The following PCDHA7 variants were observed in gnomAD, a reference collection of about 807,000 sequenced individuals.
PCDHA7 encodes the protein protocadherin alpha-7.
Under a neutral mutation model 57.2 loss-of-function variants are expected in PCDHA7, and 37 were observed. The observed-to-expected ratio is 0.65, with a 90% CI of 0.50 to 0.85. The LOEUF is 0.85. PCDHA7 is among the 40% of genes least tolerant of loss of function. The pLI, the probability that PCDHA7 is intolerant of heterozygous loss-of-function variation, is 0.00. For missense variants in PCDHA7, 1,188 were observed against 1,241.8 expected (o/e 0.96, Z 0.65); for synonymous variants, 553 against 558.8 (o/e 0.99, Z 0.15).
chr5:140,884,403 T>C, intron 1 of PCDHA7: 1 of 1,613,992 alleles, frequency 6.2e-7, no homozygotes, highest in African/African-American at 1.3e-5. Context: ...AGCCTGTTGG[T>C]GCTCACGTTG....
At chr5:140,895,115 T>C (rs2064854715) in intron 1 of PCDHA7, among the ~76,000 whole-genome samples, 1 of 152,182 alleles carries the variant, frequency 6.6e-6, no homozygotes, top group Non-Finnish European at 1.5e-5. Flanking sequence ...CAAGAAGACA[T>C]TTGTTAGTTG....
rs2150263715 is a variant in PCDHA7, at chr5:140,836,547, CG to C, written c.2166del (p.Cys723AlafsTer13). 3.1e-6 allele frequency: 5 copies of C among 1,613,738 alleles called. No homozygotes were observed. Among genetic ancestry groups the C allele is most frequent in the Non-Finnish European group, 3.4e-6 (4 of 1,179,820 alleles). ...TACCCTGCTGCTGTACACGGCGTTG[CG>C]GTGCTCAGCGCCGTCCTCTGAGGGC... The part of the protein sequence containing the change: ...VLTLLLYTAL[R>X]CSAPSSEGAC... On this transcript the variant is annotated frameshift_variant, in exon 1 of 4. Coordinates refer to ENST00000525929, the MANE Select transcript of PCDHA7 (RefSeq NM_018910.3). LOFTEE classifies it high-confidence loss of function.
chr5:140,975,380 G>A (rs1554236775), intron 1 of PCDHA7, among the ~76,000 whole-genome samples: 2 of 152,220 alleles, frequency 1.3e-5, no homozygotes, highest in African/African-American at 4.8e-5. Flanking sequence ...GTAATCATGG[G>A]AATAAGATCC....
intron 1 of PCDHA7, among the ~76,000 whole-genome samples, chr5:140,920,334 T>A (rs2079581280): frequency 6.6e-6 from 1 of 152,212 alleles, no homozygotes; most frequent in South Asian, 2.1e-4. Context: ...TTATGGCATT[T>A]CTTATTTGTC....
rs181578390 is a variant in PCDHA7, at chr5:140,923,666, G to A, written c.2356-55283G>A. Among the ~76,000 whole-genome samples, 434 of 152,230 alleles carry A rather than the reference G, an allele frequency of 2.9e-3. 2 individuals are homozygous for A. Among genetic ancestry groups the A allele is most frequent in the Middle Eastern group, 0.014 (4 of 294 alleles). On this transcript the variant is annotated intron_variant, in intron 1 of 3. Coordinates refer to ENST00000525929, the MANE Select transcript of PCDHA7 (RefSeq NM_018910.3). ...TAGCCTCCCTTATCTTTGGGATATC[G>A]TTCTCTCTTAAATGTTGCTTTCTCA...
intron 1 of PCDHA7, chr5:140,927,861 C>T (rs782305822): frequency 1.2e-6 from 2 of 1,614,042 alleles, no homozygotes; most frequent in East Asian, 2.2e-5. Context: ...TAGCTAGCAC[C>T]GCTAAACTGC....
At chr5:140,984,052 A>G (rs2097083396) in intron 3 of PCDHA7, among the ~76,000 whole-genome samples, 2 of 152,204 alleles carry the variant, frequency 1.3e-5, no homozygotes, top group African/African-American at 4.8e-5. Context: ...TCATTGACAA[A>G]TCTGTACCCT....
chr5:140,951,196 T>A (rs1438872650), intron 1 of PCDHA7, among the ~76,000 whole-genome samples: 1 of 152,190 alleles, frequency 6.6e-6, no homozygotes, highest in African/African-American at 2.4e-5. Context: ...AATTCCCACA[T>A]CTGTGTCATC....
At chr5:140,903,616 T>C (rs1053634742) in intron 1 of PCDHA7, among the ~76,000 whole-genome samples, 72 of 152,338 alleles carry the variant, frequency 4.7e-4, no homozygotes, top group African/African-American at 1.7e-3. Context: ...CACATGAATG[T>C]GCATGCATAT....
chr5:140,922,465 T>G (rs116670359), intron 1 of PCDHA7, among the ~76,000 whole-genome samples: 1 of 152,190 alleles, frequency 6.6e-6, no homozygotes, highest in African/African-American at 2.4e-5. Flanking sequence ...CAACACAAAA[T>G]AGGAGAGAAG....
At chr5:140,917,776 A>G (rs1222024686) in intron 1 of PCDHA7, among the ~76,000 whole-genome samples, 2 of 152,044 alleles carry the variant, frequency 1.3e-5, no homozygotes, top group Non-Finnish European at 2.9e-5. Flanking sequence ...TATTAGTACC[A>G]TGTTGTTTTG....
chr5:140,938,810 C>G (rs1182517488), intron 1 of PCDHA7, among the ~76,000 whole-genome samples: 1 of 152,030 alleles, frequency 6.6e-6, no homozygotes, highest in Non-Finnish European at 1.5e-5. Context: ...ACCACAAACC[C>G]CTGTGACATG....
At chr5:140,854,832 T>C (rs1167287485) in intron 1 of PCDHA7, among the ~76,000 whole-genome samples, 8 of 149,892 alleles carry the variant, frequency 5.3e-5, no homozygotes, top group African/African-American at 2.0e-4. Context: ...ATGAAAAACT[T>C]CACTGACATT....
intron 3 of PCDHA7, among the ~76,000 whole-genome samples, chr5:140,998,871 A>C (rs1554256499): frequency 6.6e-6 from 1 of 152,200 alleles, no homozygotes; most frequent in African/African-American, 2.4e-5. Flanking sequence ...CTTGTAAATA[A>C]TAAGTTTAGT....
chr5:140,984,656 G>A (rs1465387950), intron 3 of PCDHA7, among the ~76,000 whole-genome samples: 2 of 152,082 alleles, frequency 1.3e-5, no homozygotes, highest in Non-Finnish European at 2.9e-5. Context: ...TGTCCTTCTG[G>A]TACTTTTAGG....
In PCDHA7 at chr5:140,969,495, C is replaced by T. The variant is rs1205771172; in HGVS notation, c.2356-9454C>T. On this transcript the variant is annotated intron_variant, in intron 1 of 3. Transcript: ENST00000525929. The stretch of plus-strand genomic sequence containing the variant: ...TTGATCATAATCTGCTATTTCCTCT[C>T]TAGAAAAATAGCACTAAAGAATTGT... 10 of 1,437,770 alleles carry T rather than the reference C, an allele frequency of 7.0e-6. No homozygotes were observed. The African/African-American group carries it at 7.2e-5, about 10-fold the overall frequency. The allele number at this position is 1,437,770 out of a possible 1,614,324, so 89.1% of individuals were successfully genotyped here. A position where few individuals can be genotyped will look rare whatever the true frequency, so the allele number is the denominator to read the frequency against.
chr5:140,911,075 A>G (rs1554194593), intron 1 of PCDHA7, among the ~76,000 whole-genome samples: 1 of 152,076 alleles, frequency 6.6e-6, no homozygotes, highest in Admixed American at 6.6e-5. Context: ...GAGGAGAATC[A>G]ACATTATCTT....
chr5:140,971,799 TTA>T (rs1435483264), intron 1 of PCDHA7, among the ~76,000 whole-genome samples: 2 of 152,164 alleles, frequency 1.3e-5, no homozygotes, highest in East Asian at 3.8e-4. Flanking sequence ...ATATTGAATA[TTA>T]TAATATTGAA....
In PCDHA7 at chr5:140,850,578, G is replaced by A. The variant is rs1554144523; in HGVS notation, c.2355+13840G>A. ...CACGGGCCCCGAGGTGACGCTGGTG[G>A]ATGTCAACGTGTACCTGATCATCGC... On this transcript the variant is annotated intron_variant, in intron 1 of 3. Transcript: ENST00000525929. 1.4e-5 allele frequency: 23 copies of A among 1,598,460 alleles called. 2 individuals carry two copies. Among genetic ancestry groups the A allele is most frequent in the Non-Finnish European group, 2.0e-5 (23 of 1,167,876 alleles).
Sources: allele counts gnomAD v4.1 joint callset (sites outside exome capture counted in the v4.1 genomes callset), GRCh38; gene constraint gnomAD v4.1.1; transcripts MANE v1.5; gene names NCBI Gene and HGNC (gene_info 2026-07-23, HGNC 2026-07-21).